The following LRP1B variants were observed in gnomAD, a reference collection of about 807,000 sequenced individuals.
LRP1B encodes the protein LDL receptor related protein 1B.
LRP1B carries 217 observed loss-of-function variants against 556.6 expected under a neutral mutation model. The observed-to-expected ratio is 0.39, with a 90% CI of 0.35 to 0.44. LRP1B has a LOEUF of 0.44. Ranked by LOEUF, LRP1B falls within the 20% of genes least tolerant of loss-of-function variation. The probability of loss-of-function intolerance (pLI) is 1.00; values close to 1 mark genes in which losing one functional copy is unlikely to be tolerated. For missense variants in LRP1B, 5,053 were observed against 5,620.8 expected (o/e 0.90, Z 3.23); for synonymous variants, 2,047 against 1,865.8 (o/e 1.10, Z -2.50).
intron 3 of LRP1B, among the ~76,000 whole-genome samples, chr2:141,366,054 G>C (rs1689024585): frequency 6.6e-6 from 1 of 152,216 alleles, no homozygotes; most frequent in Non-Finnish European, 1.5e-5. Flanking sequence ...ATTTTAAGTT[G>C]ATGAATATAA....
chr2:141,801,838 A>C (rs763428627), intron 2 of LRP1B, among the ~76,000 whole-genome samples: 34 of 152,118 alleles, frequency 2.2e-4, no homozygotes, highest in African/African-American at 8.2e-4. Flanking sequence ...AAAATTTAAG[A>C]AATTTTTAAT....
chr2:140,277,548 T>C (rs371564045), intron 84 of LRP1B, among the ~76,000 whole-genome samples: 1 of 151,376 alleles, frequency 6.6e-6, no homozygotes, highest in East Asian at 1.9e-4. Flanking sequence ...GATTGTGACA[T>C]TGGAGTCACG....
At chr2:141,878,635 AG>A (rs976924269) in intron 1 of LRP1B, among the ~76,000 whole-genome samples, 1 of 152,042 alleles carries the variant, frequency 6.6e-6, no homozygotes, top group Admixed American at 6.6e-5. Flanking sequence ...ATATATTAAA[AG>A]TAAATAAATT....
intron 7 of LRP1B, among the ~76,000 whole-genome samples, chr2:141,077,383 C>T (rs1699814891): frequency 1.3e-5 from 2 of 152,214 alleles, no homozygotes; most frequent in Admixed American, 1.3e-4. Flanking sequence ...TTCGATCACA[C>T]TTGGATTAGA....
At chr2:140,582,168 T>C (rs1275323859) in intron 43 of LRP1B, among the ~76,000 whole-genome samples, 1 of 152,200 alleles carries the variant, frequency 6.6e-6, no homozygotes, top group Non-Finnish European at 1.5e-5. Flanking sequence ...GTACCTTGGG[T>C]AAATTCTCTG....
chr2:141,229,087 A>G, intron 6 of LRP1B, 96 bp downstream of exon 6: 12 of 1,232,034 alleles, frequency 9.7e-6, no homozygotes, highest in Non-Finnish European at 1.4e-5. Flanking sequence ...GCTTTCCAAC[A>G]GCCATGAGCT....
At chr2:141,478,924 C>T (rs4476292) in intron 3 of LRP1B, among the ~76,000 whole-genome samples, 145,878 of 152,242 alleles carry the variant, frequency 0.96, 70,211 homozygotes, top group East Asian at 1. Flanking sequence ...TAAAATCTCT[C>T]ATTCATTATT....
intron 85 of LRP1B, among the ~76,000 whole-genome samples, chr2:140,272,394 A>G (rs1682504475): frequency 1.3e-5 from 2 of 151,948 alleles, no homozygotes; most frequent in Non-Finnish European, 2.9e-5. Flanking sequence ...AATTTAGGTT[A>G]TTCAAGATTA....
chr2:142,040,132 A>G (rs1166231994), intron 1 of LRP1B, among the ~76,000 whole-genome samples: 4 of 151,492 alleles, frequency 2.6e-5, no homozygotes, highest in African/African-American at 9.7e-5. Context: ...GGATTAGAAT[A>G]TATTTTTAAC....
At chr2:140,536,750 GC>G in intron 45 of LRP1B, 41 bp from the exon 46 acceptor site, 3 of 1,519,544 alleles carry the variant, frequency 2.0e-6, no homozygotes, top group Non-Finnish European at 2.7e-6. Context: ...TTGTGCAATG[GC>G]AAATATTTTT....
chr2:140,996,901 T>G (rs1188708079), intron 15 of LRP1B, among the ~76,000 whole-genome samples: 2 of 151,986 alleles, frequency 1.3e-5, no homozygotes, highest in Non-Finnish European at 2.9e-5. Context: ...TCTGTTCCAG[T>G]GCATAATGTG....
intron 2 of LRP1B, among the ~76,000 whole-genome samples, chr2:141,774,000 A>T (rs960643055): frequency 2.6e-5 from 4 of 152,232 alleles, no homozygotes; most frequent in Admixed American, 2.6e-4. Context: ...CACAGGAGTT[A>T]AAACAACAAC....
At chr2:140,625,182 A>G (rs1196801422) in intron 41 of LRP1B, among the ~76,000 whole-genome samples, 2 of 152,206 alleles carry the variant, frequency 1.3e-5, no homozygotes, top group Non-Finnish European at 2.9e-5. Context: ...GTCAACTGGA[A>G]AGGTACTCAA....
intron 3 of LRP1B, among the ~76,000 whole-genome samples, chr2:141,417,908 G>A (rs1478732814): frequency 6.6e-6 from 1 of 151,758 alleles, no homozygotes; most frequent in Non-Finnish European, 1.5e-5. Context: ...TCATTTTATT[G>A]ACAATGGCCT....
At chr2:141,210,214 A>C (rs1482869699) in intron 6 of LRP1B, among the ~76,000 whole-genome samples, 7 of 151,688 alleles carry the variant, frequency 4.6e-5, no homozygotes, top group Non-Finnish European at 1.0e-4. Flanking sequence ...AAACATCGCT[A>C]CAAGATTAAA....
intron 2 of LRP1B, among the ~76,000 whole-genome samples, chr2:141,503,164 A>G (rs1683788973): frequency 6.7e-6 from 1 of 148,232 alleles, no homozygotes; most frequent in Non-Finnish European, 1.5e-5. Context: ...TATATGAGTA[A>G]TACATGAATA....
chr2:141,163,697 C>T (rs1021487122), intron 7 of LRP1B, among the ~76,000 whole-genome samples: 1 of 151,980 alleles, frequency 6.6e-6, no homozygotes, highest in African/African-American at 2.4e-5. Flanking sequence ...TTATTTGGCT[C>T]GCATTCTCTC....
At chr2:140,838,463 C>T (rs1691989790) in intron 31 of LRP1B, among the ~76,000 whole-genome samples, 1 of 152,010 alleles carries the variant, frequency 6.6e-6, no homozygotes, top group Non-Finnish European at 1.5e-5. Context: ...TAGCTGTTAA[C>T]AGTATCATTT....
At chr2:140,335,881 A>G in intron 77 of LRP1B, 43 bp from the exon 78 acceptor site, 1 of 1,255,510 alleles carries the variant, frequency 8.0e-7, no homozygotes, top group South Asian at 1.2e-5. Context: ...TTTCAACAGG[A>G]AATTAGCGGA....
Sources: allele counts gnomAD v4.1 joint callset (sites outside exome capture counted in the v4.1 genomes callset), GRCh38; gene constraint gnomAD v4.1.1; transcripts MANE v1.5; gene names NCBI Gene and HGNC (gene_info 2026-07-23, HGNC 2026-07-21).